THSD7A: variants seen among roughly 807,000 people sequenced by gnomAD.
THSD7A encodes the protein thrombospondin type-1 domain-containing protein 7A.
A neutral mutation model predicts 231.3 loss-of-function variants in THSD7A; 96 were observed. The observed-to-expected ratio is 0.41, with a 90% CI of 0.35 to 0.49. The LOEUF (loss-of-function observed/expected upper bound fraction) is 0.49, where lower values mean the gene tolerates loss of function less well. Ranked by LOEUF, THSD7A falls within the 20% of genes least tolerant of loss-of-function variation. The pLI is 0.05. For synonymous variants in THSD7A, 940 were observed against 743.3 expected, an observed-to-expected ratio of 1.26 and a Z score of -4.30; for missense variants, 2,290 against 2,070.2, an observed-to-expected ratio of 1.11 and a Z score of -2.06.
chr7:11,769,144 TA>T lies in THSD7A; in HGVS notation c.190+62612del, dbSNP rs1562541311. 1.6e-3 allele frequency among the ~76,000 whole-genome samples: 107 copies of T among 67,344 alleles called. 1 individual carries two copies. The highest frequency in any genetic ancestry group is 4.8e-3 in the African/African-American group (96 of 19,944). The allele number at this position is 67,344 out of a possible 152,430, so 44.2% of individuals were successfully genotyped here. ...GGCAATATATATATATATATATATA[TA>T]TATATATATTTTTTTTTTTTTTTGG... On this transcript the variant is annotated intron_variant, in intron 1 of 27. Coordinates refer to ENST00000423059, the MANE Select transcript of THSD7A (RefSeq NM_015204.3).
At chr7:11,546,487 G>A (rs1389409534) in intron 4 of THSD7A, among the ~76,000 whole-genome samples, 3 of 152,164 alleles carry the variant, frequency 2.0e-5, no homozygotes, top group African/African-American at 7.2e-5. Context: ...ACCCGGAAAT[G>A]AAGCCAGTTG....
At chr7:11,747,441 T>G (rs931611888) in intron 1 of THSD7A, among the ~76,000 whole-genome samples, 9 of 151,902 alleles carry the variant, frequency 5.9e-5, no homozygotes, top group African/African-American at 1.9e-4. Context: ...TACAGAAAAA[T>G]TCAATCAAAT....
chr7:11,805,875 C>A (rs78908655), intron 1 of THSD7A, among the ~76,000 whole-genome samples: 1 of 151,972 alleles, frequency 6.6e-6, no homozygotes, highest in Non-Finnish European at 1.5e-5. Context: ...CAATATTTCA[C>A]GTGTTTTGAC....
intron 7 of THSD7A, among the ~76,000 whole-genome samples, chr7:11,476,851 G>A (rs189231042): frequency 6.4e-4 from 96 of 150,406 alleles, no homozygotes; most frequent in Non-Finnish European, 1.2e-3. Flanking sequence ...TGTAGAAAGC[G>A]ATTATATACA....
At chr7:11,621,202 AT>A (rs1781298027) in intron 2 of THSD7A, among the ~76,000 whole-genome samples, 1 of 152,196 alleles carries the variant, frequency 6.6e-6, no homozygotes. Flanking sequence ...ATTCATGACG[AT>A]TTCACAGTGT....
intron 6 of THSD7A, among the ~76,000 whole-genome samples, chr7:11,513,571 T>C (rs1476376540): frequency 2.6e-5 from 4 of 152,148 alleles, no homozygotes; most frequent in Non-Finnish European, 5.9e-5. Flanking sequence ...TATCATTCTA[T>C]TTATAGAAAT....
At chr7:11,762,655 G>C (rs1782903181) in intron 1 of THSD7A, among the ~76,000 whole-genome samples, 1 of 152,016 alleles carries the variant, frequency 6.6e-6, no homozygotes, top group Admixed American at 6.6e-5. Context: ...TAGATACATA[G>C]TTTGCAAATA....
Position 11,484,874 on chromosome 7 carries a change from A to ATTTTTTTTTTTTTTTTTTTTTTT in THSD7A, c.1823-2915_1823-2893dup, listed in dbSNP as rs56353626. Among the ~76,000 whole-genome samples the ATTTTTTTTTTTTTTTTTTTTTTT allele has an allele frequency of 9.3e-5, 5 of 53,810 alleles. 1 individual carries two copies. Among genetic ancestry groups the ATTTTTTTTTTTTTTTTTTTTTTT allele is most frequent in the Admixed American group, 3.9e-4 (1 of 2,590 alleles). The allele number at this position is 53,810 out of a possible 152,430, so 35.3% of individuals were successfully genotyped here. On this transcript the variant is annotated intron_variant, in intron 6 of 27. Coordinates refer to ENST00000423059, the MANE Select transcript of THSD7A (RefSeq NM_015204.3). ...CTCAACCCACTGAATCACAACCTTA[A>ATTTTTTTTTTTTTTTTTTTTTTT]TTTTTTTTTTTTTTTTTTTTTTTTT...
At chr7:11,754,330 G>T (rs1782606824) in intron 1 of THSD7A, among the ~76,000 whole-genome samples, 1 of 151,964 alleles carries the variant, frequency 6.6e-6, no homozygotes. Context: ...CAAAGTTCTT[G>T]GGTTTAACAG....
intron 1 of THSD7A, among the ~76,000 whole-genome samples, chr7:11,691,272 C>A (rs932831576): frequency 5.3e-5 from 8 of 151,364 alleles, no homozygotes; most frequent in Non-Finnish European, 8.9e-5. Flanking sequence ...GGACATTATT[C>A]AAATGTTCAT....
In THSD7A at chr7:11,831,830, C is replaced by T; in HGVS notation, c.117G>A (p.Leu39=). The change falls in exon 1 of 28, where the codon CTG becomes CTA. Residue 39 remains leucine, a synonymous_variant. Coordinates refer to ENST00000423059, the MANE Select transcript of THSD7A (RefSeq NM_015204.3). The surrounding 1 kb of genome is among the most constrained non-coding windows in gnomAD (Gnocchi z 5.0). The part of the protein sequence containing the change: ...PLPLPLLLLL[L]LRPGAGRAAA... ...CAGCCCTGCCGGCGCCCGGGCGTAG[C>T]AGCAGCAGCAGGAGCAGCGGCAGCG... 7.1e-7 allele frequency: 1 copy of T among 1,412,538 alleles called. No individual in the cohort carries two copies. Among genetic ancestry groups the T allele is most frequent in the African/African-American group, 1.5e-5 (1 of 67,922 alleles). The allele number at this position is 1,412,538 out of a possible 1,614,324, so 87.5% of individuals were successfully genotyped here. A position where few individuals can be genotyped will look rare whatever the true frequency, so the allele number is the denominator to read the frequency against.
At chr7:11,701,882 TCTAA>T (rs1387820314) in intron 1 of THSD7A, among the ~76,000 whole-genome samples, 1 of 151,226 alleles carries the variant, frequency 6.6e-6, no homozygotes, top group African/African-American at 2.4e-5. Flanking sequence ...TCTCTACCTC[TCTAA>T]CTCTCTTTCC....
intron 1 of THSD7A, among the ~76,000 whole-genome samples, chr7:11,671,498 T>C (rs1470889046): frequency 6.6e-6 from 1 of 152,176 alleles, no homozygotes; most frequent in East Asian, 1.9e-4. Flanking sequence ...TGGCCTTGTG[T>C]TCATTTATTA....
At chr7:11,376,379 C>T (rs1296887858) in intron 27 of THSD7A, among the ~76,000 whole-genome samples, 191 bp downstream of exon 27, 1 of 152,060 alleles carries the variant, frequency 6.6e-6, no homozygotes, top group East Asian at 1.9e-4. Flanking sequence ...CTGCAGCAAG[C>T]TCTTGCTCAT....
intron 6 of THSD7A, among the ~76,000 whole-genome samples, chr7:11,528,792 T>A (rs139285391): frequency 6.6e-6 from 1 of 152,160 alleles, no homozygotes; most frequent in South Asian, 2.1e-4. Flanking sequence ...ATATTGAGAA[T>A]CAAAGGTAAA....
chr7:11,745,256 T>A (rs1325134987), intron 1 of THSD7A, among the ~76,000 whole-genome samples: 1 of 152,138 alleles, frequency 6.6e-6, no homozygotes, highest in Non-Finnish European at 1.5e-5. Context: ...GAGAAATGTC[T>A]GTTCATGTCC....
At chr7:11,465,276 C>T (rs1785654149) in intron 9 of THSD7A, among the ~76,000 whole-genome samples, 1 of 152,068 alleles carries the variant, frequency 6.6e-6, no homozygotes, top group African/African-American at 2.4e-5. Flanking sequence ...GGTACCAATG[C>T]TGTGCATTAA....
chr7:11,801,140 A>T (rs12540634), intron 1 of THSD7A, among the ~76,000 whole-genome samples: 19,645 of 151,358 alleles, frequency 0.13, 1,562 homozygotes, highest in Non-Finnish European at 0.19. Flanking sequence ...TTTCAAAAAA[A>T]ATTTTTTTTT....
intron 4 of THSD7A, among the ~76,000 whole-genome samples, chr7:11,551,622 ACAAT>A (rs1296391293): frequency 6.6e-6 from 1 of 152,176 alleles, no homozygotes; most frequent in African/African-American, 2.4e-5. Flanking sequence ...TTCATCAGAG[ACAAT>A]CAAATCAAAA....
Sources: gnomAD v4.1 joint callset for allele counts (sites outside exome capture counted in the v4.1 genomes callset) on GRCh38, gnomAD v4.1.1 for gene constraint, Gnocchi (gnomAD v3.1) non-coding constraint, MANE v1.5 for transcripts, NCBI Gene and HGNC (gene_info 2026-07-23, HGNC 2026-07-21) for gene names.